CD109: variants seen among roughly 807,000 people sequenced by gnomAD.
CD109 encodes the protein CD109 molecule, also known as CD109 antigen.
CD109 carries 149 observed loss-of-function variants against 165.8 expected under a neutral mutation model. The observed-to-expected ratio is 0.90, with a 90% CI of 0.79 to 1.03. The LOEUF is 1.03. Ranked by LOEUF, CD109 falls within the 50% of genes least tolerant of loss-of-function variation. CD109 has a pLI of 0.00. For synonymous variants in CD109, 585 were observed against 592.1 expected (o/e 0.99, Z 0.18); for missense variants, 1,712 against 1,677.8 (o/e 1.02, Z -0.36).
chr6:73,732,615 A>G (rs186031522), intron 4 of CD109, among the ~76,000 whole-genome samples: 11 of 152,354 alleles, frequency 7.2e-5, no homozygotes, highest in Admixed American at 2.0e-4. Flanking sequence ...ATGTCTGGCT[A>G]TCTCTGGGTG....
chr6:73,796,872 A>T (rs540728484), intron 23 of CD109, among the ~76,000 whole-genome samples: 10 of 152,304 alleles, frequency 6.6e-5, no homozygotes, highest in African/African-American at 2.2e-4. Context: ...AAGTCAGCAC[A>T]GTGGAGCTCC....
chr6:73,791,565 G>A (rs1448194858), intron 22 of CD109, among the ~76,000 whole-genome samples: 2 of 151,868 alleles, frequency 1.3e-5, no homozygotes, highest in African/African-American at 4.8e-5. Context: ...CTGTCGTCAT[G>A]GAAATACCCC....
At chr6:73,707,384 C>G (rs1297928413) in intron 2 of CD109, among the ~76,000 whole-genome samples, 5 of 151,896 alleles carry the variant, frequency 3.3e-5, no homozygotes, top group Admixed American at 3.3e-4. Context: ...GTGGGTGTAT[C>G]CAAATAGTAA....
intron 22 of CD109, 61 bp from the exon 23 acceptor site, chr6:73,792,565 C>A: frequency 1.4e-6 from 2 of 1,457,648 alleles, no homozygotes; most frequent in Non-Finnish European, 1.9e-6. Flanking sequence ...AGTCTCTTTG[C>A]CACCAGCAGG....
chr6:73,786,918 T>C (rs1446632350), intron 20 of CD109, among the ~76,000 whole-genome samples: 2 of 152,240 alleles, frequency 1.3e-5, no homozygotes, highest in Non-Finnish European at 2.9e-5. Flanking sequence ...AATATCAATA[T>C]ATGAAATAGC....
At chr6:73,817,961 T>C (rs1340623537) in intron 30 of CD109, among the ~76,000 whole-genome samples, 1 of 152,176 alleles carries the variant, frequency 6.6e-6, no homozygotes, top group Non-Finnish European at 1.5e-5. Flanking sequence ...CACTAAGTGG[T>C]CAAGTGATGC....
intron 3 of CD109, among the ~76,000 whole-genome samples, chr6:73,724,458 A>G (rs1772063943): frequency 6.6e-6 from 1 of 152,158 alleles, no homozygotes. Flanking sequence ...TACATGCTTA[A>G]TGTACAGTAT....
chr6:73,781,920 A>G (rs1490277457), intron 17 of CD109, among the ~76,000 whole-genome samples: 2 of 152,170 alleles, frequency 1.3e-5, no homozygotes, highest in Non-Finnish European at 2.9e-5. Context: ...TTGGCTGCCA[A>G]GTAATAATAA....
At chr6:73,714,896 CAT>C (rs1473263084) in intron 2 of CD109, among the ~76,000 whole-genome samples, 1 of 152,148 alleles carries the variant, frequency 6.6e-6, no homozygotes, top group Non-Finnish European at 1.5e-5. Flanking sequence ...GTGATAGCAA[CAT>C]ATACAAACAG....
At chr6:73,681,516 A>G in the CD109 span, among the ~76,000 whole-genome samples, 2 of 152,114 alleles carry the variant, frequency 1.3e-5, no homozygotes, top group Non-Finnish European at 2.9e-5. Context: ...GGGAGGTCTC[A>G]CAATCACGGT....
chr6:73,687,449 C>T, the CD109 span, among the ~76,000 whole-genome samples: 4 of 149,274 alleles, frequency 2.7e-5, no homozygotes, highest in Non-Finnish European at 5.9e-5. Flanking sequence ...TTCCTTTCCC[C>T]CTCCCCTTCC....
intron 5 of CD109, among the ~76,000 whole-genome samples, chr6:73,746,741 G>A (rs1772997633): frequency 1.3e-5 from 2 of 152,086 alleles, no homozygotes; most frequent in African/African-American, 4.8e-5. Flanking sequence ...GGCTTGTATG[G>A]TCTATGTCTT....
At chr6:73,769,726 G>A (rs1324784175) in intron 14 of CD109, among the ~76,000 whole-genome samples, 1 of 152,214 alleles carries the variant, frequency 6.6e-6, no homozygotes, top group Non-Finnish European at 1.5e-5. Flanking sequence ...CATCCACACA[G>A]AAGTGCAAGT....
intron 6 of CD109, among the ~76,000 whole-genome samples, chr6:73,757,625 A>G (rs1356534341): frequency 3.9e-5 from 6 of 152,228 alleles, no homozygotes; most frequent in South Asian, 2.1e-4. Context: ...GAGCACTTCA[A>G]ATGTGGCTAG....
the CD109 span, among the ~76,000 whole-genome samples, chr6:73,684,936 T>C: frequency 1.3e-5 from 2 of 151,854 alleles, no homozygotes; most frequent in East Asian, 3.8e-4. Context: ...TTTTCTTTTT[T>C]TTTTTTTGAG....
Position 73,780,457 on chromosome 6 carries a change from T to C in CD109, c.1861T>C (p.Tyr621His). Residue 621 changes from tyrosine (Y) to histidine (H), a missense_variant, in exon 16 of 33, where the codon TAT (tyrosine) becomes CAT (histidine). Coordinates refer to ENST00000287097, the MANE Select transcript of CD109 (RefSeq NM_133493.5). ...TGAGTTGGAACTTTATAACACAGGA[T>C]ATTATTTAGGCATGTTCATGAATTC... is the stretch of plus-strand genomic sequence containing the variant. The part of the protein sequence containing the change: ...VHELELYNTG[Y>H]YLGMFMNSFA... 6.2e-7 allele frequency: 1 copy of C among 1,608,998 alleles called. No homozygotes were observed.
At chr6:73,762,646 C>A in intron 8 of CD109, 95 bp from the exon 9 acceptor site, 1 of 1,047,386 alleles carries the variant, frequency 9.5e-7, no homozygotes, top group Non-Finnish European at 1.4e-6. Context: ...AAAATGGTAC[C>A]AGAGCTATCA....
intron 23 of CD109, among the ~76,000 whole-genome samples, chr6:73,794,011 A>C (rs1775063760): frequency 6.6e-6 from 1 of 152,256 alleles, no homozygotes; most frequent in South Asian, 2.1e-4. Context: ...CCATAGGAGA[A>C]TTAGAAAACT....
At position 73,780,508 on chromosome 6, in the gene CD109, G is replaced by T; in HGVS notation, c.1902+10G>T. On this transcript the variant is annotated intron_variant, in intron 16 of 32. Coordinates refer to ENST00000287097, the MANE Select transcript of CD109 (RefSeq NM_133493.5). ...TTTTGCAGTCTTTCAGGTATGTTTT[G>T]CTTGCTATATTGAAAAGATATTAAT... The T allele has an allele frequency of 6.4e-7, 1 of 1,552,932 alleles. No individual in the cohort carries two copies. Among genetic ancestry groups the T allele is most frequent in the Non-Finnish European group, 8.9e-7 (1 of 1,126,058 alleles).
Sources: allele counts gnomAD v4.1 joint callset (sites outside exome capture counted in the v4.1 genomes callset), GRCh38; gene constraint gnomAD v4.1.1; transcripts MANE v1.5; gene names NCBI Gene and HGNC (gene_info 2026-07-23, HGNC 2026-07-21).